MRE11: variants seen among roughly 807,000 people sequenced by gnomAD.
MRE11 encodes the protein MRE11 double strand break repair nuclease.
A neutral mutation model predicts 91.7 loss-of-function variants in MRE11; 62 were observed. The ratio of observed to expected loss-of-function variants is 0.68; its 90% CI spans 0.55 to 0.84. The LOEUF (loss-of-function observed/expected upper bound fraction) is 0.84, where lower values mean the gene tolerates loss of function less well. Among genes scored for constraint, MRE11 ranks in the 40% least tolerant of loss-of-function variants. The pLI is 0.00. For synonymous variants in MRE11, 273 were observed against 271.4 expected (o/e 1.01, Z -0.06); for missense variants, 796 against 852.9 (o/e 0.93, Z 0.83).
At chr11:94,477,676 G>C (rs554392081) in intron 6 of MRE11, among the ~76,000 whole-genome samples, 3 of 152,320 alleles carry the variant, frequency 2.0e-5, no homozygotes, top group African/African-American at 4.8e-5. Context: ...AAAGCCCAAG[G>C]CATTAGAAGA....
chr11:94,511,849 C>T, the MRE11 span, among the ~76,000 whole-genome samples: 3 of 152,326 alleles, frequency 2.0e-5, no homozygotes, highest in African/African-American at 7.2e-5. Flanking sequence ...AATTTTTCTA[C>T]TTGCTCTTCA....
chr11:94,435,771 A>G, intron 18 of MRE11, 61 bp downstream of exon 18: 1 of 1,401,166 alleles, frequency 7.1e-7, no homozygotes, highest in Non-Finnish European at 1.0e-6. Flanking sequence ...GTAACTTTGG[A>G]ATTCTGGATA....
chr11:94,473,559 C>T (rs1470802770), intron 7 of MRE11: 1 of 151,970 alleles, frequency 6.6e-6, no homozygotes, highest in Non-Finnish European at 1.5e-5. Context: ...CTGTGAAAAC[C>T]TTCTTTGTTT....
chr11:94,465,034 C>T (rs760624302), intron 10 of MRE11, among the ~76,000 whole-genome samples: 10 of 152,282 alleles, frequency 6.6e-5, no homozygotes, highest in Admixed American at 3.3e-4. Flanking sequence ...CTTTGCACCT[C>T]CACCTCCTGT....
In MRE11 at chr11:94,492,798, T is replaced by C. The variant is rs1947323316; in HGVS notation, c.4A>G (p.Ser2Gly). ...GGTGCTTACAGTGCATCTGCAGTACTCATTTTTATGGTCAGTCAAGCTCCT... is the reference window on the plus strand; with the variant it reads ...GGTGCTTACAGTGCATCTGCAGTACCCATTTTTATGGTCAGTCAAGCTCCT... M[S>G]TADALDDENT... The change falls in exon 2 of 20, where the codon AGT (serine) becomes GGT (glycine). Residue 2 changes from serine to glycine, a missense_variant. Ser to Gly is a moderately conservative substitution (Grantham distance 56). Transcript: ENST00000323929. 3 of 1,613,866 alleles carry C rather than the reference T, an allele frequency of 1.9e-6. No homozygotes were observed. The South Asian group carries it at 3.3e-5, about 18-fold the overall frequency.
chr11:94,510,428 TA>T, the MRE11 span, among the ~76,000 whole-genome samples: 2 of 152,220 alleles, frequency 1.3e-5, no homozygotes, highest in Non-Finnish European at 2.9e-5. Flanking sequence ...ACAGCATCTT[TA>T]AAAATAGTTT....
intron 11 of MRE11, among the ~76,000 whole-genome samples, chr11:94,462,127 C>T (rs1487434655): frequency 6.6e-6 from 1 of 152,048 alleles, no homozygotes; most frequent in Non-Finnish European, 1.5e-5. Flanking sequence ...AGCATTCCTA[C>T]ACCAATAACA....
upstream of MRE11, among the ~76,000 whole-genome samples, chr11:94,495,786 CT>C (rs1472641817): frequency 2.0e-5 from 3 of 152,234 alleles, no homozygotes; most frequent in East Asian, 5.8e-4. Flanking sequence ...TAGACAAGGT[CT>C]TGTAGTAGTA....
chr11:94,494,947 GA>G (rs1054074200), upstream of MRE11, among the ~76,000 whole-genome samples: 28 of 152,126 alleles, frequency 1.8e-4, no homozygotes, highest in African/African-American at 6.8e-4. Flanking sequence ...GAGAATCAAA[GA>G]AAAAGTGGAA....
intron 18 of MRE11, among the ~76,000 whole-genome samples, chr11:94,431,920 G>C (rs953307377): frequency 2.0e-5 from 3 of 151,752 alleles, no homozygotes; most frequent in South Asian, 2.1e-4. Context: ...ATATCCTTAA[G>C]CATATATCAA....
intron 3 of MRE11, among the ~76,000 whole-genome samples, chr11:94,486,968 T>C (rs1947157484): frequency 6.6e-6 from 1 of 152,212 alleles, no homozygotes; most frequent in African/African-American, 2.4e-5. Context: ...ACTGTGCGTA[T>C]GGTAGTTAGG....
chr11:94,435,347 G>C (rs1280696033), intron 18 of MRE11, among the ~76,000 whole-genome samples: 1 of 152,102 alleles, frequency 6.6e-6, no homozygotes, highest in Non-Finnish European at 1.5e-5. Context: ...CTGAGCTCAG[G>C]AGTTCAAGAC....
At chr11:94,456,646 A>T (rs1946255142) in intron 13 of MRE11, among the ~76,000 whole-genome samples, 1 of 152,180 alleles carries the variant, frequency 6.6e-6, no homozygotes, top group African/African-American at 2.4e-5. Flanking sequence ...CACTTCAGTA[A>T]ACTAGTTAAA....
chr11:94,436,004 G>C, intron 17 of MRE11, 105 bp from the exon 18 acceptor site: 2 of 1,057,454 alleles, frequency 1.9e-6, no homozygotes, highest in South Asian at 1.3e-5. Context: ...TTATATATGA[G>C]CCACAAAAAA....
intron 19 of MRE11, among the ~76,000 whole-genome samples, chr11:94,422,432 G>A (rs879718570): frequency 5.3e-5 from 8 of 152,146 alleles, no homozygotes; most frequent in Non-Finnish European, 7.4e-5. Context: ...CATGACACAT[G>A]TAGAGCATAT....
intron 19 of MRE11, among the ~76,000 whole-genome samples, chr11:94,422,383 C>A (rs1945193949): frequency 6.6e-6 from 1 of 152,110 alleles, no homozygotes; most frequent in African/African-American, 2.4e-5. Flanking sequence ...TGCCTGAATA[C>A]CTGTATGTCA....
At position 94,476,412 on chromosome 11, in the gene MRE11, GACATT is replaced by G. The variant is rs1482949774; in HGVS notation, c.545-14_545-10del. 5.9e-6 allele frequency: 9 copies of G among 1,525,760 alleles called. No individual in the cohort carries two copies. Among genetic ancestry groups the G allele is most frequent in the South Asian group, 1.1e-5 (1 of 88,912 alleles). The allele number at this position is 1,525,760 out of a possible 1,614,324, so 94.5% of individuals were successfully genotyped here. A position where few individuals can be genotyped will look rare whatever the true frequency, so the allele number is the denominator to read the frequency against. On this transcript the variant is annotated splice_polypyrimidine_tract_variant and intron_variant, in intron 6 of 19. Transcript: ENST00000323929. ...TTCATCTGGAATGGATCCTGAAATG[GACATT>G]ACATTATTTTTAAATTGTTTTCTTA...
chr11:94,511,174 G>GCTCT, the MRE11 span, among the ~76,000 whole-genome samples: 1,922 of 150,166 alleles, frequency 0.013, 20 homozygotes, highest in Middle Eastern at 0.045. Context: ...ATTGCCTCTC[G>GCTCT]CTCTCTCTCT....
chr11:94,452,196 CAAAAAA>C (rs35238737), intron 14 of MRE11, among the ~76,000 whole-genome samples: 1 of 94,550 alleles, frequency 1.1e-5, no homozygotes. Context: ...GACTTTGCCT[CAAAAAA>C]AAAAAAAAAA....
Sources: gnomAD v4.1 joint callset for allele counts (sites outside exome capture counted in the v4.1 genomes callset) on GRCh38, gnomAD v4.1.1 for gene constraint, MANE v1.5 for transcripts, NCBI Gene and HGNC (gene_info 2026-07-23, HGNC 2026-07-21) for gene names.